Variants in CNTN6 observed in about 807,000 individuals in gnomAD.
CNTN6 encodes the protein contactin-6.
A neutral mutation model predicts 122.8 loss-of-function variants in CNTN6; 137 were observed. That is an observed-to-expected ratio of 1.12 (90% CI 0.97 to 1.29). The LOEUF is 1.29. Ranked by LOEUF, CNTN6 falls within the 50% of genes most tolerant of loss-of-function variation. CNTN6 has a pLI of 0.00. For missense variants in CNTN6, 1,634 were observed against 1,223.4 expected (o/e 1.34, Z -5.01); for synonymous variants, 570 against 426.0 (o/e 1.34, Z -4.16).
intron 4 of CNTN6, among the ~76,000 whole-genome samples, chr3:1,277,888 T>C (rs1315370934): frequency 1.3e-5 from 2 of 152,274 alleles, no homozygotes; most frequent in East Asian, 1.9e-4. Flanking sequence ...CCAAATAAGA[T>C]CATGAGCCTG....
At chr3:1,374,342 A>T (rs994704977) in intron 16 of CNTN6, among the ~76,000 whole-genome samples, 1 of 152,034 alleles carries the variant, frequency 6.6e-6, no homozygotes, top group African/African-American at 2.4e-5. Flanking sequence ...TCTATTTTCT[A>T]GTCAAAATTC....
intron 4 of CNTN6, among the ~76,000 whole-genome samples, chr3:1,241,457 A>G (rs554919585): frequency 1.1e-4 from 17 of 152,098 alleles, no homozygotes; most frequent in Admixed American, 5.9e-4. Flanking sequence ...TAGAAGAAAC[A>G]TTTGTCGTAT....
chr3:1,314,039 C>A (rs1466072937), intron 7 of CNTN6, among the ~76,000 whole-genome samples: 1 of 152,068 alleles, frequency 6.6e-6, no homozygotes, highest in Non-Finnish European at 1.5e-5. Context: ...GGGGAGGACA[C>A]AAACATTCAT....
intron 2 of CNTN6, among the ~76,000 whole-genome samples, chr3:1,203,658 G>T (rs185480497): frequency 6.6e-6 from 1 of 152,290 alleles, no homozygotes; most frequent in East Asian, 1.9e-4. Flanking sequence ...TGATGGACTG[G>T]CATGCTTAGC....
At chr3:1,355,111 T>G (rs1393808203) in intron 12 of CNTN6, among the ~76,000 whole-genome samples, 2 of 151,596 alleles carry the variant, frequency 1.3e-5, no homozygotes, top group Non-Finnish European at 3.0e-5. Flanking sequence ...AAGGAAATTT[T>G]GCTATATTTT....
At chr3:1,188,719 T>C (rs1289399852) in intron 2 of CNTN6, among the ~76,000 whole-genome samples, 1 of 152,186 alleles carries the variant, frequency 6.6e-6, no homozygotes, top group Non-Finnish European at 1.5e-5. Context: ...GTGAAAAATC[T>C]CAATTTAAAT....
chr3:1,221,290 T>G (rs757121452), intron 3 of CNTN6, among the ~76,000 whole-genome samples: 3 of 152,120 alleles, frequency 2.0e-5, no homozygotes, highest in Non-Finnish European at 4.4e-5. Context: ...TTTCCTCAAT[T>G]TGAAAGACTA....
intron 11 of CNTN6, among the ~76,000 whole-genome samples, chr3:1,338,056 G>T (rs574069394): frequency 6.6e-6 from 1 of 152,002 alleles, no homozygotes; most frequent in South Asian, 2.1e-4. Context: ...CTCAATGTAC[G>T]CTGTTTTACC....
intron 1 of CNTN6, among the ~76,000 whole-genome samples, chr3:1,102,645 G>A (rs991396563): frequency 4.0e-5 from 6 of 149,874 alleles, no homozygotes; most frequent in African/African-American, 1.5e-4. Context: ...GGAGAATGGC[G>A]GGAACCCGGG....
intron 9 of CNTN6, among the ~76,000 whole-genome samples, chr3:1,326,709 A>G (rs1701592229): frequency 6.6e-6 from 1 of 151,906 alleles, no homozygotes; most frequent in Non-Finnish European, 1.5e-5. Context: ...AGACACAAAG[A>G]ACATCTGTTG....
In CNTN6 at chr3:1,175,079, C is replaced by A. The variant is rs190652285; in HGVS notation, c.55+27016C>A. ...GGTGAGACCCCATCTACAAAAAACA[C>A]AAAATTTGGCCAGGCATGGTGGTGT... On this transcript the variant is annotated intron_variant, in intron 2 of 22. Coordinates refer to ENST00000446702, the MANE Select transcript of CNTN6 (RefSeq NM_001289080.2). Among the ~76,000 whole-genome samples the A allele has an allele frequency of 2.5e-3, 386 of 151,770 alleles. 2 individuals carry two copies. Among genetic ancestry groups the A allele is most frequent in the Non-Finnish European group, 4.3e-3 (295 of 67,890 alleles).
chr3:1,354,253 AT>A, intron 12 of CNTN6, among the ~76,000 whole-genome samples: 1 of 59,164 alleles, frequency 1.7e-5, no homozygotes, highest in African/African-American at 1.3e-4. Context: ...CCTAGTACTT[AT>A]GATAGAAATA....
chr3:1,221,879 G>A (rs1271911292), intron 3 of CNTN6, among the ~76,000 whole-genome samples: 1 of 152,088 alleles, frequency 6.6e-6, no homozygotes, highest in Non-Finnish European at 1.5e-5. Flanking sequence ...CACACAAAGA[G>A]TAACAACTTC....
intron 2 of CNTN6, among the ~76,000 whole-genome samples, chr3:1,185,953 G>C (rs1189856318): frequency 1.3e-5 from 2 of 152,058 alleles, no homozygotes; most frequent in African/African-American, 2.4e-5. Flanking sequence ...GTTACTTTCA[G>C]TCATTTAACA....
At chr3:1,200,890 CTCTT>C (rs2093854598) in intron 2 of CNTN6, among the ~76,000 whole-genome samples, 1 of 151,790 alleles carries the variant, frequency 6.6e-6, no homozygotes, top group Admixed American at 6.6e-5. Context: ...TTACCCTATA[CTCTT>C]TCTTCTTTCT....
At chr3:1,278,625 C>A (rs1445043018) in intron 5 of CNTN6, 117 bp downstream of exon 5, 1 of 606,580 alleles carries the variant, frequency 1.6e-6, no homozygotes, top group Non-Finnish European at 2.9e-6. Context: ...TTGTGACTCT[C>A]GTCAAGTGCA....
chr3:1,385,118 A>T (rs950932750), intron 19 of CNTN6, among the ~76,000 whole-genome samples: 1 of 152,068 alleles, frequency 6.6e-6, no homozygotes, highest in African/African-American at 2.4e-5. Flanking sequence ...GCTTGAAAAT[A>T]GGTACTTAAT....
At chr3:1,333,241 T>C (rs1018551833) in intron 11 of CNTN6, among the ~76,000 whole-genome samples, 2 of 151,988 alleles carry the variant, frequency 1.3e-5, no homozygotes, top group African/African-American at 2.4e-5. Context: ...GCAAGGGTTA[T>C]TGCATGTGTA....
chr3:1,257,624 C>T (rs1348842427), intron 4 of CNTN6, among the ~76,000 whole-genome samples: 1 of 152,032 alleles, frequency 6.6e-6, no homozygotes, highest in Non-Finnish European at 1.5e-5. Flanking sequence ...TACTTCAAAT[C>T]CAAGAGGTTT....
Sources: gnomAD v4.1 joint callset for allele counts (sites outside exome capture counted in the v4.1 genomes callset) on GRCh38, gnomAD v4.1.1 for gene constraint, MANE v1.5 for transcripts, NCBI Gene and HGNC (gene_info 2026-07-23, HGNC 2026-07-21) for gene names.